Variants in AGTPBP1 observed in about 807,000 individuals in gnomAD.
AGTPBP1 encodes the protein cytosolic carboxypeptidase 1.
AGTPBP1 carries 70 observed loss-of-function variants against 143.9 expected under a neutral mutation model. The ratio of observed to expected loss-of-function variants is 0.49; its 90% confidence interval spans 0.40 to 0.59. AGTPBP1 has a LOEUF of 0.59. AGTPBP1 is among the 20% of genes least tolerant of loss of function. AGTPBP1 has a pLI of 0.00. For synonymous variants in AGTPBP1, 463 were observed against 500.2 expected (o/e 0.93, Z 0.99); for missense variants, 1,229 against 1,464.5 (o/e 0.84, Z 2.62).
In AGTPBP1 at chr9:85,632,732, G is replaced by A. The variant is rs1373058561; in HGVS notation, c.1945C>T (p.Pro649Ser). ...SVPEYSEVAYPDYFGHIPPPF... is the reference protein window; with the variant it reads ...SVPEYSEVAYSDYFGHIPPPF... ...GGCGGAATGTGACCAAAATAATCGGGATAAGCCACCTCTGAATATTCTGGG... is the reference window on the plus strand; with the variant it reads ...GGCGGAATGTGACCAAAATAATCGGAATAAGCCACCTCTGAATATTCTGGG... The change falls in exon 14 of 26, where the codon CCC becomes TCC. Residue 649 changes from proline to serine, a missense_variant. Coordinates refer to ENST00000357081, the MANE Select transcript of AGTPBP1 (RefSeq NM_001330701.2). The A allele has an allele frequency of 1.2e-6, 2 of 1,613,958 alleles. No individual in the cohort carries two copies. Among genetic ancestry groups the A allele is most frequent in the African/African-American group, 2.7e-5 (2 of 74,910 alleles).
the AGTPBP1 span, among the ~76,000 whole-genome samples, chr9:85,779,196 TATAG>T: frequency 0.078 from 7,045 of 90,758 alleles, 579 homozygotes; most frequent in African/African-American, 0.2. Flanking sequence ...TAGATATAGA[TATAG>T]ATATAGATAT....
the AGTPBP1 span, among the ~76,000 whole-genome samples, chr9:85,762,231 G>A: frequency 1.3e-5 from 2 of 152,122 alleles, no homozygotes; most frequent in Non-Finnish European, 2.9e-5. Context: ...CAAGGATCTA[G>A]AACTAGAAAT....
chr9:85,594,661 C>T (rs1829183624), intron 18 of AGTPBP1, among the ~76,000 whole-genome samples: 1 of 152,112 alleles, frequency 6.6e-6, no homozygotes, highest in Non-Finnish European at 1.5e-5. Context: ...TAGAGTCTTA[C>T]ATAGAAAGTG....
At chr9:85,693,467 G>A (rs945789609) in intron 2 of AGTPBP1, among the ~76,000 whole-genome samples, 6 of 152,092 alleles carry the variant, frequency 3.9e-5, no homozygotes, top group South Asian at 2.1e-4. Context: ...GGCATGTGGC[G>A]CATGCCTGCA....
chr9:85,649,902 G>A (rs1032197941), intron 11 of AGTPBP1, among the ~76,000 whole-genome samples: 6 of 151,970 alleles, frequency 3.9e-5, no homozygotes, highest in African/African-American at 9.7e-5. Flanking sequence ...TGTCCTAAAC[G>A]TAAACAATAC....
intron 8 of AGTPBP1, among the ~76,000 whole-genome samples, chr9:85,668,907 T>C (rs925688141): frequency 2.7e-5 from 4 of 150,290 alleles, no homozygotes; most frequent in Non-Finnish European, 5.9e-5. Context: ...AAATGAGACA[T>C]GGCTTTCATT....
chr9:85,598,904 T>A (rs1196856401), intron 17 of AGTPBP1, among the ~76,000 whole-genome samples: 1 of 151,940 alleles, frequency 6.6e-6, no homozygotes, highest in Non-Finnish European at 1.5e-5. Context: ...TATTTTTTGG[T>A]GGAGATGGGG....
chr9:85,664,392 G>A (rs1204195674), intron 8 of AGTPBP1, among the ~76,000 whole-genome samples: 1 of 152,098 alleles, frequency 6.6e-6, no homozygotes, highest in Non-Finnish European at 1.5e-5. Context: ...TTGGTATAAA[G>A]ATGAATGAAC....
chr9:85,569,014 G>A (rs1254347917), intron 25 of AGTPBP1, among the ~76,000 whole-genome samples: 1 of 152,070 alleles, frequency 6.6e-6, no homozygotes, highest in Non-Finnish European at 1.5e-5. Flanking sequence ...TAAACTCACA[G>A]GAATGAATAT....
At chr9:85,703,317 C>G (rs556605530) in intron 2 of AGTPBP1, among the ~76,000 whole-genome samples, 1 of 152,142 alleles carries the variant, frequency 6.6e-6, no homozygotes, top group African/African-American at 2.4e-5. Flanking sequence ...TTTTTAAAGG[C>G]CTCCTGGCTC....
At chr9:85,755,983 G>A in the AGTPBP1 span, 2 of 953,386 alleles carry the variant, frequency 2.1e-6, no homozygotes, top group Non-Finnish European at 3.0e-6. Context: ...GTTCATTTAA[G>A]AGATTTCAGC....
chr9:85,741,979 G>A (rs1824346657), upstream of AGTPBP1: 3 of 1,227,906 alleles, frequency 2.4e-6, no homozygotes, highest in African/African-American at 3.1e-5. Flanking sequence ...CAACGTCAGC[G>A]CGGCGCCCCG....
upstream of AGTPBP1, among the ~76,000 whole-genome samples, chr9:85,742,474 C>T (rs1463891278): frequency 6.6e-6 from 1 of 152,042 alleles, no homozygotes; most frequent in Non-Finnish European, 1.5e-5. Flanking sequence ...CTTTCCTGAC[C>T]TCAAGGAGGG....
rs1329598402 is a variant in AGTPBP1, at chr9:85,596,399, A to G, written c.2386T>C (p.Trp796Arg). The G allele has an allele frequency of 2.5e-6, 4 of 1,611,434 alleles. No individual in the cohort carries two copies. Among genetic ancestry groups the G allele is most frequent in the South Asian group, 2.2e-5 (2 of 90,832 alleles). Residue 796 changes from tryptophan (W) to arginine (R), a missense_variant, in exon 18 of 26, where the codon TGG (tryptophan) becomes CGG (arginine). Transcript: ENST00000357081. ...SVQEALNARP[W>R]WIRMGTDICY... is the part of the protein sequence containing the mutation. ...ATGTCAGTCCCCATACGAATCCACC[A>G]TGGTCTGGCATTTAATGCTTCCTGA... is the stretch of plus-strand genomic sequence containing the variant.
chr9:85,657,741 T>C (rs1196918532), intron 9 of AGTPBP1, 98 bp from the exon 10 acceptor site: 3 of 749,896 alleles, frequency 4.0e-6, no homozygotes, highest in Middle Eastern at 2.8e-4. Flanking sequence ...TTGTGATGGA[T>C]ACTTATAATT....
At chr9:85,779,204 T>C in the AGTPBP1 span, among the ~76,000 whole-genome samples, 1 of 98,782 alleles carries the variant, frequency 1.0e-5, no homozygotes, top group African/African-American at 3.1e-5. Context: ...GATATAGATA[T>C]AGATATAGAT....
intron 1 of AGTPBP1, among the ~76,000 whole-genome samples, chr9:85,733,005 C>T (rs1462016210): frequency 1.3e-5 from 2 of 152,014 alleles, no homozygotes; most frequent in African/African-American, 4.8e-5. Context: ...TAAAAATTAA[C>T]ATAATTATGG....
chr9:85,727,513 G>A (rs1838583135), intron 1 of AGTPBP1, among the ~76,000 whole-genome samples: 1 of 152,170 alleles, frequency 6.6e-6, no homozygotes. Context: ...TGGATGAAGA[G>A]GACATAAATC....
At chr9:85,599,110 AACACACACACACACACACACAC>A (rs57074552) in intron 17 of AGTPBP1, among the ~76,000 whole-genome samples, 3 of 135,428 alleles carry the variant, frequency 2.2e-5, no homozygotes, top group African/African-American at 5.7e-5. Flanking sequence ...CTTGTCACTG[AACACACACACACACACACACAC>A]ACACACACAC....
Sources: gnomAD v4.1 joint callset for allele counts (sites outside exome capture counted in the v4.1 genomes callset) on GRCh38, gnomAD v4.1.1 for gene constraint, MANE v1.5 for transcripts, NCBI Gene and HGNC (gene_info 2026-07-23, HGNC 2026-07-21) for gene names.